Variants in PTPDC1 observed in about 807,000 individuals in gnomAD.
PTPDC1 encodes the protein protein tyrosine phosphatase domain-containing protein 1.
PTPDC1 carries 53 observed loss-of-function variants against 75.3 expected under a neutral mutation model. That is an observed-to-expected ratio of 0.70 (90% CI 0.56 to 0.88). PTPDC1 has a LOEUF of 0.88. Among genes scored for constraint, PTPDC1 ranks in the 40% least tolerant of loss-of-function variants. The pLI is 0.00. For synonymous variants in PTPDC1, 349 were observed against 366.2 expected (o/e 0.95, Z 0.54); for missense variants, 925 against 998.6 (o/e 0.93, Z 0.99).
At position 94,108,548 on chromosome 9, in the gene PTPDC1, A is replaced by T. The variant is rs1312940592; in HGVS notation, c.*604A>T. On this transcript the variant is annotated 3_prime_UTR_variant, in exon 9 of 9. Coordinates refer to ENST00000620992, the MANE Select transcript of PTPDC1 (RefSeq NM_001253829.2). ...AGCATATTATTTTTCAGAGAGATTTAGTTTTACTTTAATGGAGTGACTGTG... is the reference window on the plus strand; with the variant it reads ...AGCATATTATTTTTCAGAGAGATTTTGTTTTACTTTAATGGAGTGACTGTG... 2.0e-5 allele frequency: 3 copies of T among 152,478 alleles called. No individual in the cohort carries two copies. The highest frequency in any genetic ancestry group is 6.5e-5 in the Admixed American group (1 of 15,282). The allele number at this position is 152,478 out of a possible 1,614,324, so 9.4% of individuals were successfully genotyped here.
In PTPDC1 at chr9:94,107,852, C is replaced by A. The variant is rs773385270; in HGVS notation, c.2335C>A (p.Pro779Thr). Reference sequence around the variant, plus strand: ...GGTTAATTTTGATTCTGAAAATGGACCAACAGTTTACAACACCCTGAAGAA... The same window carrying A: ...GGTTAATTTTGATTCTGAAAATGGAACAACAGTTTACAACACCCTGAAGAA... ...TKVNFDSENG[P>T]TVYNTLKKIF... is the part of the protein sequence containing the mutation. Residue 779 changes from proline to threonine, a missense_variant, in exon 9 of 9, where the codon CCA (proline) becomes ACA (threonine). Transcript: ENST00000620992. The A allele has an allele frequency of 2.5e-6, 4 of 1,601,198 alleles. No individual in the cohort carries two copies. The South Asian group carries it at 4.5e-5, about 18-fold the overall frequency.
intron 1 of PTPDC1, among the ~76,000 whole-genome samples, chr9:94,043,868 TC>T (rs1302412049): frequency 8.5e-5 from 13 of 152,244 alleles, no homozygotes; most frequent in Admixed American, 7.9e-4. Context: ...GAGGTTGAAT[TC>T]ACTTCATATA....
chr9:94,089,413 A>T (rs1433430454), intron 4 of PTPDC1, among the ~76,000 whole-genome samples: 1 of 139,976 alleles, frequency 7.1e-6, no homozygotes, highest in African/African-American at 2.7e-5. Flanking sequence ...TGAACTCATC[A>T]TTTTTTATGG....
intron 2 of PTPDC1, among the ~76,000 whole-genome samples, chr9:94,079,423 C>T (rs1826804260): frequency 6.6e-6 from 1 of 152,128 alleles, no homozygotes; most frequent in Non-Finnish European, 1.5e-5. Flanking sequence ...TTGACAAAGC[C>T]CTGGGTCATC....
intron 1 of PTPDC1, among the ~76,000 whole-genome samples, chr9:94,034,146 T>C (rs72618199): frequency 2.0e-5 from 3 of 152,292 alleles, no homozygotes. Context: ...AATATGTTCC[T>C]CACTGAGTTT....
chr9:94,083,184 A>T (rs907967336), upstream of PTPDC1, among the ~76,000 whole-genome samples: 2 of 152,196 alleles, frequency 1.3e-5, no homozygotes, highest in African/African-American at 4.8e-5. Context: ...TGTTCTTGTC[A>T]TGCAGACCTC....
Position 94,101,669 on chromosome 9 carries a change from AG to A in PTPDC1, c.2118del (p.Glu706AspfsTer3), listed in dbSNP as rs1353197806. On this transcript the variant is annotated frameshift_variant, in exon 7 of 9. Coordinates refer to ENST00000620992, the MANE Select transcript of PTPDC1 (RefSeq NM_001253829.2). LOFTEE classifies it high-confidence loss of function. ...LMWSWVEQLK[E>X]PVITKEDVDM... Reference sequence around the variant, plus strand: ...TGGTCTTGGGTGGAGCAACTGAAGGAGCCTGTAATCACCAAAGAGGATGTGG... The same window carrying A: ...TGGTCTTGGGTGGAGCAACTGAAGGACCTGTAATCACCAAAGAGGATGTGG... 1.9e-6 allele frequency: 3 copies of A among 1,613,972 alleles called. No homozygotes were observed. Among genetic ancestry groups the A allele is most frequent in the Non-Finnish European group, 2.5e-6 (3 of 1,179,888 alleles).
chr9:94,050,435 C>T (rs912541406), intron 1 of PTPDC1, among the ~76,000 whole-genome samples: 1 of 152,242 alleles, frequency 6.6e-6, no homozygotes, highest in African/African-American at 2.4e-5. Context: ...TTCTAACAGT[C>T]AGGACCCTCA....
chr9:94,084,521 TC>T lies in PTPDC1; in HGVS notation c.-7del. ...ACTCTTCCTGCCTCCGGCTCTTGCC[TC>T]CCAGTGCCATGCAGGTGCAGGATGC... On this transcript the variant is annotated 5_prime_UTR_variant, in exon 1 of 9. Coordinates refer to ENST00000620992, the MANE Select transcript of PTPDC1 (RefSeq NM_001253829.2). The T allele has an allele frequency of 6.2e-7, 1 of 1,609,388 alleles. No individual in the cohort carries two copies. Among genetic ancestry groups the T allele is most frequent in the African/African-American group, 1.3e-5 (1 of 75,012 alleles).
At chr9:94,101,476 C>A in intron 6 of PTPDC1, 90 bp from the exon 7 acceptor site, 1 of 963,466 alleles carries the variant, frequency 1.0e-6, no homozygotes, top group South Asian at 1.6e-5. Context: ...TTGTGGGCAG[C>A]GCAAGAATCA....
At chr9:94,050,925 C>T (rs1045935422) in intron 1 of PTPDC1, among the ~76,000 whole-genome samples, 1 of 152,214 alleles carries the variant, frequency 6.6e-6, no homozygotes, top group African/African-American at 2.4e-5. Flanking sequence ...GGCGCCCCTC[C>T]CCTCGCCTGG....
At chr9:94,106,642 T>C (rs536883701) in intron 8 of PTPDC1, among the ~76,000 whole-genome samples, 1 of 152,274 alleles carries the variant, frequency 6.6e-6, no homozygotes, top group East Asian at 1.9e-4. Context: ...AGCTAACAGG[T>C]TAAGGTCTCA....
At chr9:94,055,021 GCT>G (rs1436167408) in intron 1 of PTPDC1, among the ~76,000 whole-genome samples, 20 of 152,340 alleles carry the variant, frequency 1.3e-4, no homozygotes, top group Non-Finnish European at 1.9e-4. Context: ...ACACAGTGGA[GCT>G]CCATTCTATT....
At chr9:94,084,803 C>T in intron 1 of PTPDC1, 29 bp downstream of exon 1, 1 of 1,447,562 alleles carries the variant, frequency 6.9e-7, no homozygotes, top group Non-Finnish European at 9.4e-7. Flanking sequence ...ATTGCCATAC[C>T]TATGTATATA....
Position 94,098,204 on chromosome 9 carries a change from A to G in PTPDC1, c.1638A>G (p.Ala546=). 6.2e-7 allele frequency: 1 copy of G among 1,614,256 alleles called. No individual in the cohort carries two copies. The highest frequency in any genetic ancestry group is 1.1e-5 in the South Asian group (1 of 91,086). Residue 546 remains alanine, a synonymous_variant, in exon 6 of 9, where the codon GCA becomes GCG. Coordinates refer to ENST00000620992, the MANE Select transcript of PTPDC1 (RefSeq NM_001253829.2). ...KEAQQSGAFS[A]DVSGSHSPGE... Reference sequence around the variant, plus strand: ...CACAGCAGAGTGGAGCTTTCTCTGCAGATGTTTCAGGCTCACACAGCCCTG... The same window carrying G: ...CACAGCAGAGTGGAGCTTTCTCTGCGGATGTTTCAGGCTCACACAGCCCTG...
At chr9:94,084,389 T>C, upstream of PTPDC1, 1 of 1,361,208 alleles carries the variant, frequency 7.3e-7, no homozygotes. Context: ...TTTCTTTGTT[T>C]GTCGCCATGG....
chr9:94,103,898 GTTAA>G lies in PTPDC1; in HGVS notation c.2200-373_2200-370del, dbSNP rs138171708. On this transcript the variant is annotated intron_variant, in intron 7 of 8. Coordinates refer to ENST00000620992, the MANE Select transcript of PTPDC1 (RefSeq NM_001253829.2). ...CCAGATCCTGACCACTCAGTGCCCA[GTTAA>G]TTAGTCCATGTATCTCTATGACATG... Among the ~76,000 whole-genome samples, 754 of 152,244 alleles carry G rather than the reference GTTAA, an allele frequency of 5.0e-3. 5 individuals carry two copies. Among genetic ancestry groups the G allele is most frequent in the African/African-American group, 0.017 (715 of 41,540 alleles).
intron 1 of PTPDC1, chr9:94,064,683 T>C (rs1325405000): frequency 1.5e-6 from 2 of 1,358,816 alleles, no homozygotes; most frequent in African/African-American, 1.4e-5. Context: ...GGGTGATTAA[T>C]AAATGACTGT....
intron 1 of PTPDC1, chr9:94,064,719 T>G: frequency 6.3e-7 from 1 of 1,587,456 alleles, no homozygotes; most frequent in Non-Finnish European, 8.6e-7. Context: ...CAAAAAATAA[T>G]TTTTTTTCCA....
Sources: gnomAD v4.1 joint callset for allele counts (sites outside exome capture counted in the v4.1 genomes callset) on GRCh38, gnomAD v4.1.1 for gene constraint, MANE v1.5 for transcripts, NCBI Gene and HGNC (gene_info 2026-07-23, HGNC 2026-07-21) for gene names.